The following RAB28 variants were observed in gnomAD, a reference collection of about 807,000 sequenced individuals.
The protein encoded by RAB28 is RAB28, member RAS oncogene family, also known as ras-related protein Rab-28.
In RAB28, 24 loss-of-function variants were observed where a neutral mutation model predicts 31.7. The observed-to-expected ratio is 0.76, with a 90% confidence interval of 0.55 to 1.06. The LOEUF is 1.06. Among genes scored for constraint, RAB28 ranks in the 50% least tolerant of loss-of-function variants. The pLI is 0.00. For missense variants in RAB28, 254 were observed against 258.5 expected, an observed-to-expected ratio of 0.98 and a Z score of 0.12; for synonymous variants, 100 against 90.4, an observed-to-expected ratio of 1.11 and a Z score of -0.60.
At chr4:13,373,484 C>G (rs886684984) in intron 6 of RAB28, among the ~76,000 whole-genome samples, 1 of 152,150 alleles carries the variant, frequency 6.6e-6, no homozygotes, top group African/African-American at 2.4e-5. Context: ...ATTCTGGGAG[C>G]TCCTTGAGGA....
intron 4 of RAB28, among the ~76,000 whole-genome samples, chr4:13,432,910 T>C (rs1374770735): frequency 6.6e-6 from 1 of 151,342 alleles, no homozygotes; most frequent in African/African-American, 2.4e-5. Context: ...AAACTGAACC[T>C]CATATGTCAA....
At chr4:13,376,196 A>G (rs1728915049) in intron 6 of RAB28, among the ~76,000 whole-genome samples, 2 of 152,136 alleles carry the variant, frequency 1.3e-5, no homozygotes, top group Non-Finnish European at 2.9e-5. Flanking sequence ...CACTACAGTC[A>G]AGGATGTTTT....
intron 4 of RAB28, chr4:13,459,670 T>A: frequency 8.9e-6 from 7 of 784,336 alleles, no homozygotes; most frequent in Non-Finnish European, 1.1e-5. Flanking sequence ...TTCTCCCTAG[T>A]ACACTCTTTC....
At chr4:13,448,160 C>G (rs556461577) in intron 4 of RAB28, among the ~76,000 whole-genome samples, 1 of 152,092 alleles carries the variant, frequency 6.6e-6, no homozygotes, top group African/African-American at 2.4e-5. Flanking sequence ...TCCACAACCA[C>G]TGCAAATACA....
intron 1 of RAB28, among the ~76,000 whole-genome samples, chr4:13,480,789 T>C (rs569237195): frequency 1.4e-3 from 213 of 152,010 alleles, no homozygotes; most frequent in African/African-American, 4.9e-3. Flanking sequence ...ACAAACACAT[T>C]TGTTATATTT....
Position 13,460,621 on chromosome 4 carries a change from G to C in RAB28, c.391+78C>G. 2.6e-6 allele frequency: 4 copies of C among 1,555,218 alleles called. No homozygotes were observed. The South Asian group carries it at 4.5e-5, about 18-fold the overall frequency. ...TTAGGTCTTTGACATATAAATTGGG[G>C]GTGGTGGGGGGACACAAACATTCTG... is the stretch of plus-strand genomic sequence containing the variant. On this transcript the variant is annotated intron_variant, in intron 4 of 6. Transcript: ENST00000330852.
intron 4 of RAB28, among the ~76,000 whole-genome samples, chr4:13,454,586 T>G (rs1715189474): frequency 6.6e-6 from 1 of 152,166 alleles, no homozygotes; most frequent in Non-Finnish European, 1.5e-5. Context: ...TGCAGTTTCT[T>G]CAGTTGTAAT....
Position 13,369,933 on chromosome 4 carries a change from C to T in RAB28, c.574-1283G>A, listed in dbSNP as rs772234159. On this transcript the variant is annotated intron_variant, in intron 6 of 6. Transcript: ENST00000330852. Reference sequence around the variant, plus strand: ...AGGTGGTATGTTGATTTTCTTCTTCCGGGTACTTCACTATTTCTGCCCTGA... The same window carrying T: ...AGGTGGTATGTTGATTTTCTTCTTCTGGGTACTTCACTATTTCTGCCCTGA... 14 of 1,611,868 alleles carry T rather than the reference C, an allele frequency of 8.7e-6. No homozygotes were observed. The highest frequency in any genetic ancestry group is 6.7e-5 in the Admixed American group (4 of 59,848).
At chr4:13,472,879 T>A (rs1716184679) in intron 3 of RAB28, among the ~76,000 whole-genome samples, 1 of 151,942 alleles carries the variant, frequency 6.6e-6, no homozygotes, top group Non-Finnish European at 1.5e-5. Context: ...AATTCTGAGA[T>A]GTACTTTTTA....
intron 4 of RAB28, among the ~76,000 whole-genome samples, chr4:13,384,553 C>T (rs1017707441): frequency 2.6e-5 from 4 of 152,174 alleles, no homozygotes; most frequent in Admixed American, 6.5e-5. Context: ...AAATCTGGGG[C>T]TGGATACAAG....
intron 5 of RAB28, 85 bp from the exon 6 acceptor site, chr4:13,376,707 A>G: frequency 1.2e-6 from 1 of 854,844 alleles, no homozygotes; most frequent in Non-Finnish European, 1.8e-6. Flanking sequence ...TAAAAATGAT[A>G]AACAGCAATA....
At chr4:13,377,698 A>G (rs993011758) in intron 5 of RAB28, among the ~76,000 whole-genome samples, 1 of 152,366 alleles carries the variant, frequency 6.6e-6, no homozygotes, top group Admixed American at 6.5e-5. Flanking sequence ...TTTGTATTGA[A>G]CATTCACTAT....
intron 4 of RAB28, among the ~76,000 whole-genome samples, chr4:13,423,681 C>CT (rs1713307776): frequency 6.6e-6 from 1 of 151,966 alleles, no homozygotes; most frequent in African/African-American, 2.4e-5. Flanking sequence ...CCCTTGAAGC[C>CT]TAAAATATCT....
At chr4:13,450,330 A>G (rs970486128) in intron 4 of RAB28, among the ~76,000 whole-genome samples, 1 of 151,924 alleles carries the variant, frequency 6.6e-6, no homozygotes. Flanking sequence ...TTTATTTCAA[A>G]CATGATCTAG....
intron 6 of RAB28, chr4:13,369,920 G>A (rs1363658468): frequency 1.2e-6 from 2 of 1,611,898 alleles, no homozygotes. Context: ...GTGGTATGTT[G>A]ATTTTCTTCT....
chr4:13,423,424 C>G (rs1363471082), intron 4 of RAB28, among the ~76,000 whole-genome samples: 1 of 150,300 alleles, frequency 6.7e-6, no homozygotes, highest in Non-Finnish European at 1.5e-5. Context: ...GTAATCCCAG[C>G]TACTCGGGAG....
intron 4 of RAB28, among the ~76,000 whole-genome samples, chr4:13,426,746 G>C (rs541555166): frequency 2.9e-4 from 44 of 152,266 alleles, no homozygotes; most frequent in African/African-American, 9.6e-4. Context: ...ATACTGATGA[G>C]ATTACATTCA....
intron 4 of RAB28, among the ~76,000 whole-genome samples, chr4:13,391,863 C>T (rs1176142474): frequency 6.6e-6 from 1 of 151,268 alleles, no homozygotes; most frequent in African/African-American, 2.4e-5. Flanking sequence ...AATGAGAACA[C>T]TTGGACACGG....
chr4:13,460,836 A>G lies in RAB28; in HGVS notation c.262-8T>C, dbSNP rs1715554943. Reference sequence around the variant, plus strand: ...ATATACCAAGAGGACTCCCTGTCACAAAAGAGTTACAAAATATCTGTAATG... The same window carrying G: ...ATATACCAAGAGGACTCCCTGTCACGAAAGAGTTACAAAATATCTGTAATG... On this transcript the variant is annotated splice_region_variant and splice_polypyrimidine_tract_variant and intron_variant, in intron 3 of 6. Transcript: ENST00000330852. 1 of 1,607,612 alleles carries G rather than the reference A, an allele frequency of 6.2e-7. No homozygotes were observed. Among genetic ancestry groups the G allele is most frequent in the Non-Finnish European group, 8.5e-7 (1 of 1,176,420 alleles).
Sources: gnomAD v4.1 joint callset for allele counts (sites outside exome capture counted in the v4.1 genomes callset) on GRCh38, gnomAD v4.1.1 for gene constraint, MANE v1.5 for transcripts, NCBI Gene and HGNC (gene_info 2026-07-23, HGNC 2026-07-21) for gene names.